Variants in ANAPC2 observed in about 807,000 individuals in gnomAD.
ANAPC2 encodes anaphase promoting complex subunit 2.
A neutral mutation model predicts 84.3 loss-of-function variants in ANAPC2; 29 were observed. The ratio of observed to expected loss-of-function variants is 0.34; its 90% CI spans 0.26 to 0.47. The LOEUF is 0.47. ANAPC2 is among the 20% of genes least tolerant of loss of function. The pLI is 1.00. For missense variants in ANAPC2, 857 were observed against 1,131.7 expected (o/e 0.76, Z 3.48); for synonymous variants, 571 against 479.4 (o/e 1.19, Z -2.50).
chr9:137,180,104 G>T (rs2131334264), intron 10 of ANAPC2, 77 bp downstream of exon 10: 2 of 1,474,750 alleles, frequency 1.4e-6, no homozygotes, highest in African/African-American at 1.4e-5. Flanking sequence ...GGCAGCCACA[G>T]GCACCAGGCT....
Position 137,185,107 on chromosome 9 carries a change from G to A in ANAPC2, c.874-20C>T. On this transcript the variant is annotated intron_variant, in intron 3 of 12. Transcript: ENST00000323927. ...GATCCACTGTCAGGAGAACGCTAGT[G>A]TGAGCTGCAGGGAGGCATGGTGAGC... The A allele has an allele frequency of 1.3e-6, 2 of 1,511,884 alleles. No individual in the cohort carries two copies. The highest frequency in any genetic ancestry group is 1.4e-5 in the African/African-American group (1 of 70,940). 93.7% of individuals were successfully genotyped at this position (1,511,884 alleles called of 1,614,324 possible).
chr9:137,180,256 C>T lies in ANAPC2; in HGVS notation c.1815G>A (p.Lys605=), dbSNP rs1194149453. 29 of 1,613,772 alleles carry T rather than the reference C, an allele frequency of 1.8e-5. No homozygotes were observed. The highest frequency in any genetic ancestry group is 2.3e-5 in the Non-Finnish European group (27 of 1,180,026). The part of the protein sequence containing the change: ...ILSSEFWPPF[K]DEKLEVPEDI... ...CCTCGGGGACCTCCAGCTTCTCGTCCTTGAAGGGCGGCCAGAACTCACTGG... is the reference window on the plus strand; with the variant it reads ...CCTCGGGGACCTCCAGCTTCTCGTCTTTGAAGGGCGGCCAGAACTCACTGG... The change falls in exon 10 of 13, where the codon AAG becomes AAA. Residue 605 remains lysine, a synonymous_variant. Transcript: ENST00000323927.
chr9:137,177,623 A>G (rs1445001446), intron 10 of ANAPC2, among the ~76,000 whole-genome samples: 1 of 152,178 alleles, frequency 6.6e-6, no homozygotes, highest in Non-Finnish European at 1.5e-5. Context: ...TTTTGGGGAC[A>G]CTGGGGCTGT....
chr9:137,179,632 CCACAGACCCAT>C (rs1834297592), intron 10 of ANAPC2, among the ~76,000 whole-genome samples: 1 of 152,258 alleles, frequency 6.6e-6, no homozygotes, highest in Admixed American at 6.5e-5. Context: ...CCTACTCCCA[CCACAGACCCAT>C]AGCCCCGGTC....
rs1268962660 is a variant in ANAPC2, at chr9:137,183,580, G to A, written c.1168+92C>T. 4.6e-6 allele frequency: 7 copies of A among 1,515,884 alleles called. No individual in the cohort carries two copies. The Admixed American group carries it at 8.1e-5, about 18-fold the overall frequency. The allele number at this position is 1,515,884 out of a possible 1,614,324, so 93.9% of individuals were successfully genotyped here. A position where few individuals can be genotyped will look rare whatever the true frequency, so the allele number is the denominator to read the frequency against. On this transcript the variant is annotated intron_variant, in intron 5 of 12. Transcript: ENST00000323927. ...TTCTTCCTTAGACCTACAAGTCCAGGGCTGGCAGACTAGGCCCCAGGCTCC... is the reference window on the plus strand; with the variant it reads ...TTCTTCCTTAGACCTACAAGTCCAGAGCTGGCAGACTAGGCCCCAGGCTCC...
At chr9:137,177,182 A>T (rs1834240897) in intron 10 of ANAPC2, 1 of 152,234 alleles carries the variant, frequency 6.6e-6, no homozygotes, top group South Asian at 2.1e-4. Flanking sequence ...AAGTGCTGCC[A>T]GGCTGGAGTG....
chr9:137,175,569 C>T, intron 11 of ANAPC2, 97 bp from the exon 12 acceptor site: 3 of 1,479,212 alleles, frequency 2.0e-6, no homozygotes, highest in Non-Finnish European at 2.7e-6. Context: ...CCCGGGCCAC[C>T]CTGCCTTGCC....
intron 3 of ANAPC2, 26 bp downstream of exon 3, chr9:137,186,198 G>T (rs1384070691): frequency 1.2e-6 from 2 of 1,608,388 alleles, no homozygotes; most frequent in Non-Finnish European, 1.7e-6. Flanking sequence ...CTCCAGCGGG[G>T]CACAGCCCAA....
At chr9:137,185,748 G>A (rs1340420067) in intron 3 of ANAPC2, among the ~76,000 whole-genome samples, 4 of 152,176 alleles carry the variant, frequency 2.6e-5, no homozygotes, top group Non-Finnish European at 4.4e-5. Flanking sequence ...CGGGAGCCCA[G>A]AGCAGAGCCC....
intron 5 of ANAPC2, chr9:137,183,462 C>CGT: frequency 1.2e-6 from 1 of 800,580 alleles, no homozygotes; most frequent in Non-Finnish European, 1.9e-6. Flanking sequence ...CTCAGACCTA[C>CGT]CGGTCAGTCC....
At position 137,180,231 on chromosome 9, in the gene ANAPC2, C is replaced by T. The variant is rs1280466682; in HGVS notation, c.1840G>A (p.Asp614Asn). Residue 614 changes from aspartate to asparagine, a missense_variant, in exon 10 of 13, where the codon GAT (aspartate) becomes AAT (asparagine). Physicochemically the swap from Asp to Asn is conservative, Grantham distance 23. Around this residue, in one of 3 missense-constraint regions of ANAPC2, gnomAD observed 425 missense variants for 595.5 expected, o/e 0.71. Transcript: ENST00000323927. ...FKDEKLEVPEDIRAALEAYCK... is the reference protein window; with the variant it reads ...FKDEKLEVPENIRAALEAYCK... ...TAAGCCTCCAGGGCTGCCCTGATAT[C>T]CTCGGGGACCTCCAGCTTCTCGTCC... The T allele has an allele frequency of 3.1e-6, 5 of 1,613,830 alleles. No individual in the cohort carries two copies. Among genetic ancestry groups the T allele is most frequent in the South Asian group, 1.1e-5 (1 of 91,090 alleles).
Position 137,174,890 on chromosome 9 carries a change from A to AGAGCACCTGCAGGG in ANAPC2, c.*38_*51dup. 1 of 1,395,004 alleles carries AGAGCACCTGCAGGG rather than the reference A, an allele frequency of 7.2e-7. No homozygotes were observed. The highest frequency in any genetic ancestry group is 9.4e-7 in the Non-Finnish European group (1 of 1,069,058). The allele number at this position is 1,395,004 out of a possible 1,614,324, so 86.4% of individuals were successfully genotyped here. On this transcript the variant is annotated 3_prime_UTR_variant, in exon 13 of 13. Coordinates refer to ENST00000323927, the MANE Select transcript of ANAPC2 (RefSeq NM_013366.4). This position sits in a 1 kb window ranked among gnomAD's most constrained non-coding sequence, Gnocchi z 6.1. ...GGGCGGGGGCTGGCACGGGAGGACG[A>AGAGCACCTGCAGGG]GAGCACCTGCAGGGCAGCGCCTGGC...
rs144269895 is a variant in ANAPC2 at position 137,183,281 on chromosome 9, G to A, written c.1169-39C>T. ...AGAAGCCAGCAGTCATGCAGTGCCC[G>A]GGACCACAGCCTCCCAGGGGCAACA... On this transcript the variant is annotated intron_variant, in intron 5 of 12. Coordinates refer to ENST00000323927, the MANE Select transcript of ANAPC2 (RefSeq NM_013366.4). The A allele has an allele frequency of 1.3e-3, 2,056 of 1,532,352 alleles. 2 individuals are homozygous for A. Among genetic ancestry groups the A allele is most frequent in the Admixed American group, 2.0e-3 (118 of 59,526 alleles). The allele number at this position is 1,532,352 out of a possible 1,614,324, so 94.9% of individuals were successfully genotyped here.
intron 10 of ANAPC2, among the ~76,000 whole-genome samples, chr9:137,177,669 T>C (rs575892471): frequency 6.6e-6 from 1 of 152,230 alleles, no homozygotes; most frequent in South Asian, 2.1e-4. Context: ...ATGGGGCAAA[T>C]TGTCATGCAC....
In ANAPC2 at chr9:137,181,859, C is replaced by A; in HGVS notation, c.1290G>T (p.Thr430=). Residue 430 remains threonine (T), a synonymous_variant, in exon 7 of 13, where the codon ACG becomes ACT. Transcript: ENST00000323927. Reference sequence around the variant, plus strand: ...CAATCTGCCGCACTGTGTCCTCCCGCGTCCTGCCGATGTGAGTGCTGCTGT... The same window carrying A: ...CAATCTGCCGCACTGTGTCCTCCCGAGTCCTGCCGATGTGAGTGCTGCTGT... ...ACEPIRRYLR[T]REDTVRQIVA... is the part of the protein sequence containing the mutation. The A allele has an allele frequency of 6.2e-7, 1 of 1,602,356 alleles. No homozygotes were observed.
chr9:137,187,321 T>A, intron 2 of ANAPC2, 160 bp downstream of exon 2: 1 of 894,776 alleles, frequency 1.1e-6, no homozygotes. Context: ...GAGACACCTG[T>A]GTCCAGGACA....
chr9:137,177,979 AGACTTCT>A (rs1834261348), intron 10 of ANAPC2, among the ~76,000 whole-genome samples: 1 of 152,154 alleles, frequency 6.6e-6, no homozygotes, highest in Admixed American at 6.5e-5. Flanking sequence ...CCCTGACTTT[AGACTTCT>A]GACTTCTGTA....
intron 10 of ANAPC2, 131 bp downstream of exon 10, chr9:137,180,050 G>C: frequency 1.0e-6 from 1 of 970,580 alleles, no homozygotes; most frequent in Non-Finnish European, 1.5e-6. Flanking sequence ...CTGCAGAGGC[G>C]GCTGCGAGAC....
Position 137,188,554 on chromosome 9 carries a change from T to C in ANAPC2, c.-22A>G. On this transcript the variant is annotated 5_prime_UTR_variant, in exon 1 of 13. Transcript: ENST00000323927. ...CCATCTGCACCCACCGACTCCGAGA[T>C]TCGCTCGGCGCGGCGCGCGGCGATG... The C allele has an allele frequency of 6.3e-7, 1 of 1,596,528 alleles. No individual in the cohort carries two copies. Among genetic ancestry groups the C allele is most frequent in the African/African-American group, 1.3e-5 (1 of 74,380 alleles).
Sources: gnomAD v4.1 joint callset for allele counts (sites outside exome capture counted in the v4.1 genomes callset) on GRCh38, gnomAD v4.1.1 for gene constraint, gnomAD v4.1.1 regional missense constraint, Gnocchi (gnomAD v3.1) non-coding constraint, MANE v1.5 for transcripts, NCBI Gene and HGNC (gene_info 2026-07-23, HGNC 2026-07-21) for gene names.